Variants in EPB41L3 observed in about 807,000 individuals in gnomAD.
EPB41L3 encodes erythrocyte membrane protein band 4.1 like 3.
Under a neutral mutation model 127.1 loss-of-function variants are expected in EPB41L3, and 57 were observed. The observed-to-expected ratio is 0.45, with a 90% CI of 0.36 to 0.56. The LOEUF (loss-of-function observed/expected upper bound fraction) is 0.56, where lower values mean the gene tolerates loss of function less well. EPB41L3 is among the 20% of genes least tolerant of loss of function. The probability of loss-of-function intolerance (pLI) is 0.00; values close to 1 mark genes in which losing one functional copy is unlikely to be tolerated. For missense variants in EPB41L3, 1,273 were observed against 1,372.2 expected (o/e 0.93, Z 1.14); for synonymous variants, 572 against 549.5 (o/e 1.04, Z -0.57).
chr18:5,397,042 A>G lies in EPB41L3; in HGVS notation c.2841+16T>C. On this transcript the variant is annotated intron_variant, in intron 18 of 22. Transcript: ENST00000341928. The surrounding 1 kb of genome is among the most constrained non-coding windows in gnomAD (Gnocchi z 4.1). ...GTTTTATTTTAGTGATAAAAGTAAC[A>G]TTTACTACTAGTTACCTCAAAATGA... 1 of 1,567,630 alleles carries G rather than the reference A, an allele frequency of 6.4e-7. No individual in the cohort carries two copies. The highest frequency in any genetic ancestry group is 1.2e-5 in the South Asian group (1 of 82,756).
In EPB41L3 at chr18:5,561,139, G is replaced by A. The variant is rs528772313; in HGVS notation, c.-306+51201C>T. Among the ~76,000 whole-genome samples the A allele has an allele frequency of 8.9e-4, 135 of 150,936 alleles. 6 individuals are homozygous for A. Among genetic ancestry groups the A allele is most frequent in the Non-Finnish European group, 1.2e-3 (83 of 67,654 alleles). On this transcript the variant is annotated intron_variant, in intron 3 of 21. Transcript: ENST00000545076. ...ACTACAGGCGCCCGCCACTACGCCC[G>A]GCTAATGTCTTGTATTTTCAGTAGA...
intron 3 of EPB41L3, among the ~76,000 whole-genome samples, chr18:5,593,878 C>T (rs1010491584): frequency 6.6e-6 from 1 of 152,270 alleles, no homozygotes; most frequent in African/African-American, 2.4e-5. Context: ...GGCTCTGTTC[C>T]GCCCGGCTCA....
At chr18:5,603,466 G>A (rs1057493485) in intron 3 of EPB41L3, among the ~76,000 whole-genome samples, 8 of 152,180 alleles carry the variant, frequency 5.3e-5, no homozygotes, top group African/African-American at 1.9e-4. Context: ...GACGGTCATT[G>A]TACTTTTAGA....
At chr18:5,598,040 T>A (rs182959385) in intron 3 of EPB41L3, among the ~76,000 whole-genome samples, 2 of 152,312 alleles carry the variant, frequency 1.3e-5, no homozygotes, top group Admixed American at 1.3e-4. Flanking sequence ...GCTTCAGATC[T>A]GGGAAATAAA....
intron 1 of EPB41L3, among the ~76,000 whole-genome samples, chr18:5,617,858 A>T (rs548707338): frequency 6.6e-6 from 1 of 152,348 alleles, no homozygotes; most frequent in South Asian, 2.1e-4. Flanking sequence ...GTATGTCCAA[A>T]GAAATGGGCA....
chr18:5,551,979 C>G (rs2093972604), intron 3 of EPB41L3, among the ~76,000 whole-genome samples: 1 of 152,100 alleles, frequency 6.6e-6, no homozygotes, highest in Admixed American at 6.6e-5. Flanking sequence ...AGTTGAGAAA[C>G]AGGTAAAAGA....
At chr18:5,466,824 T>A (rs1242320991) in intron 3 of EPB41L3, among the ~76,000 whole-genome samples, 2 of 152,238 alleles carry the variant, frequency 1.3e-5, no homozygotes, top group Non-Finnish European at 2.9e-5. Flanking sequence ...ATTTCTAATC[T>A]TGTGGCTGAT....
rs1403034265 is a variant in EPB41L3, at chr18:5,565,491, C to T, written c.-306+46849G>A. Among the ~76,000 whole-genome samples the T allele has an allele frequency of 4.6e-5, 7 of 150,920 alleles. No individual in the cohort carries two copies. In the East Asian group the frequency reaches 9.7e-4, roughly 21 times the overall value. Reference sequence around the variant, plus strand: ...TAATTATACTTTAAGTTTTAGGGTACATGTGCACAACGTGCAGGTTAGTTA... The same window carrying T: ...TAATTATACTTTAAGTTTTAGGGTATATGTGCACAACGTGCAGGTTAGTTA... On this transcript the variant is annotated intron_variant, in intron 3 of 21. Transcript: ENST00000545076.
chr18:5,489,104 CCCTGCGCCCCCGCCGCCT>C lies in EPB41L3; in HGVS notation c.62_79del (p.Glu21_Gln26del). ...CTCCGGCACGGGCGCCCCCGCGCGC[CCCTGCGCCCCCGCCGCCT>C]CCTGGGGCTCGGCCTCCTGGTCCGG... On this transcript the variant is annotated inframe_deletion, in exon 2 of 23. Transcript: ENST00000341928. The C allele has an allele frequency of 6.3e-7, 1 of 1,595,192 alleles. No homozygotes were observed. Among genetic ancestry groups the C allele is most frequent in the East Asian group, 2.3e-5 (1 of 43,880 alleles).
intron 16 of EPB41L3, chr18:5,398,932 C>T (rs921516319): frequency 7.5e-6 from 3 of 398,962 alleles, no homozygotes; most frequent in East Asian, 3.6e-5. Flanking sequence ...GCCAGGGATT[C>T]GGACAATTTC....
intron 1 of EPB41L3, among the ~76,000 whole-genome samples, chr18:5,616,709 T>C (rs763555634): frequency 6.6e-6 from 1 of 152,168 alleles, no homozygotes; most frequent in Non-Finnish European, 1.5e-5. Flanking sequence ...AATATTGTTA[T>C]GTTTTTCAGT....
At chr18:5,608,423 G>T (rs2094687474) in intron 3 of EPB41L3, among the ~76,000 whole-genome samples, 2 of 152,120 alleles carry the variant, frequency 1.3e-5, no homozygotes, top group South Asian at 4.1e-4. Flanking sequence ...AAAAAGAGAG[G>T]GAGAGGCACA....
chr18:5,610,746 A>C (rs1367150219), intron 3 of EPB41L3, among the ~76,000 whole-genome samples: 1 of 152,238 alleles, frequency 6.6e-6, no homozygotes, highest in East Asian at 1.9e-4. Context: ...TACCAGTCAG[A>C]ACCACAGAAT....
At chr18:5,477,854 G>C (rs957647900) in intron 3 of EPB41L3, among the ~76,000 whole-genome samples, 3 of 152,154 alleles carry the variant, frequency 2.0e-5, no homozygotes, top group Non-Finnish European at 2.9e-5. Flanking sequence ...TACAGAATTT[G>C]TAAGTTTTCT....
chr18:5,550,078 G>A (rs1212168728), intron 3 of EPB41L3, among the ~76,000 whole-genome samples: 1 of 152,196 alleles, frequency 6.6e-6, no homozygotes, highest in African/African-American at 2.4e-5. Context: ...AAAGATTGCA[G>A]TAACACTGCA....
At chr18:5,427,846 C>T (rs1317314533) in intron 9 of EPB41L3, among the ~76,000 whole-genome samples, 5 of 151,892 alleles carry the variant, frequency 3.3e-5, no homozygotes, top group South Asian at 2.1e-4. Context: ...CCTGGGTTCA[C>T]GCCATTCTCC....
intron 8 of EPB41L3, among the ~76,000 whole-genome samples, chr18:5,432,129 C>G (rs996740769): frequency 1.1e-4 from 17 of 152,132 alleles, no homozygotes; most frequent in Admixed American, 7.2e-4. Context: ...ATTCAAGGGC[C>G]ACTATTCTCC....
intron 3 of EPB41L3, among the ~76,000 whole-genome samples, chr18:5,447,430 A>G (rs897193939): frequency 7.0e-6 from 1 of 143,658 alleles, no homozygotes; most frequent in Non-Finnish European, 1.5e-5. Flanking sequence ...TTACTACCTA[A>G]TTGCTTTAGC....
At chr18:5,585,070 C>T (rs1461287898) in intron 3 of EPB41L3, among the ~76,000 whole-genome samples, 1 of 152,056 alleles carries the variant, frequency 6.6e-6, no homozygotes, top group African/African-American at 2.4e-5. Context: ...AAAGAAGACT[C>T]AGAAACTGAA....
Sources: gnomAD v4.1 joint callset for allele counts (sites outside exome capture counted in the v4.1 genomes callset) on GRCh38, gnomAD v4.1.1 for gene constraint, Gnocchi (gnomAD v3.1) non-coding constraint, MANE v1.5 for transcripts, NCBI Gene and HGNC (gene_info 2026-07-23, HGNC 2026-07-21) for gene names.